RAD51B: variants seen among roughly 807,000 people sequenced by gnomAD.
RAD51B encodes the protein RAD51 paralog B, also known as DNA repair protein RAD51 homolog 2.
RAD51B carries 38 observed loss-of-function variants against 42.2 expected under a neutral mutation model. The observed-to-expected ratio is 0.90, with a 90% confidence interval of 0.70 to 1.18. The LOEUF (loss-of-function observed/expected upper bound fraction) is 1.18. Among genes scored for constraint, RAD51B ranks in the 50% most tolerant of loss-of-function variants. RAD51B has a pLI of 0.00. For synonymous variants in RAD51B, 154 were observed against 145.2 expected (o/e 1.06, Z -0.43); for missense variants, 373 against 400.7 (o/e 0.93, Z 0.59).
intron 7 of RAD51B, among the ~76,000 whole-genome samples, chr14:68,194,649 C>T (rs899768033): frequency 7.9e-5 from 12 of 152,146 alleles, no homozygotes; most frequent in Non-Finnish European, 8.8e-5. Context: ...CAGGAATAAT[C>T]TGAGTAATGT....
intron 10 of RAD51B, among the ~76,000 whole-genome samples, chr14:68,635,667 A>C (rs1181689757): frequency 6.6e-6 from 1 of 152,150 alleles, no homozygotes; most frequent in South Asian, 2.1e-4. Context: ...ACTTCTTTGT[A>C]CTTAGTCTTC....
At chr14:68,457,909 A>G (rs776050029) in intron 9 of RAD51B, among the ~76,000 whole-genome samples, 4 of 149,316 alleles carry the variant, frequency 2.7e-5, no homozygotes, top group Non-Finnish European at 4.4e-5. Context: ...CACTGCGCCC[A>G]GCCCTAGGAA....
At chr14:68,132,311 C>G (rs1011328619) in intron 7 of RAD51B, among the ~76,000 whole-genome samples, 3 of 151,916 alleles carry the variant, frequency 2.0e-5, no homozygotes, top group Non-Finnish European at 4.4e-5. Flanking sequence ...GCTGTACAGA[C>G]AAAAAGTAAT....
intron 9 of RAD51B, among the ~76,000 whole-genome samples, chr14:68,456,005 C>G (rs2085677259): frequency 6.6e-6 from 1 of 152,174 alleles, no homozygotes; most frequent in South Asian, 2.1e-4. Flanking sequence ...TCAATCTGAA[C>G]TAGTTTTAAG....
intron 7 of RAD51B, among the ~76,000 whole-genome samples, chr14:67,906,510 A>G (rs902107071): frequency 7.9e-5 from 12 of 152,016 alleles, no homozygotes; most frequent in Non-Finnish European, 1.5e-4. Flanking sequence ...TTGGATTTGA[A>G]TCAATCTGGT....
At position 67,885,851 on chromosome 14, in the gene RAD51B, TA is replaced by T. The variant is rs751569445; in HGVS notation, c.453-17del. 11 of 1,579,746 alleles carry T rather than the reference TA, an allele frequency of 7.0e-6. No homozygotes were observed. The highest frequency in any genetic ancestry group is 5.8e-5 in the South Asian group (5 of 86,214). On this transcript the variant is annotated splice_polypyrimidine_tract_variant and intron_variant, in intron 5 of 10. Coordinates refer to ENST00000471583, the MANE Select transcript of RAD51B (RefSeq NM_133510.4). ...TAGAATTGACTGTTTTCGTTTGTGC[TA>T]TTTTTTTCACCCACAGACTGGTTGA...
chr14:68,180,479 CAT>C (rs1348603954), intron 7 of RAD51B, among the ~76,000 whole-genome samples: 3 of 152,126 alleles, frequency 2.0e-5, no homozygotes, highest in Non-Finnish European at 2.9e-5. Flanking sequence ...AAAGTATCAT[CAT>C]GATTATCGTC....
At chr14:67,863,030 C>T (rs1242959866) in intron 4 of RAD51B, among the ~76,000 whole-genome samples, 1 of 151,886 alleles carries the variant, frequency 6.6e-6, no homozygotes, top group East Asian at 1.9e-4. Context: ...GTTTGGAGAA[C>T]TCTCTTTACT....
At position 68,333,446 on chromosome 14, in the gene RAD51B, C is replaced by T. The variant is rs185405783; in HGVS notation, c.853+41466C>T. ...AGGAACTCAAACTGCTAATGGAAGA[C>T]GAAACTGGTAAAGCCACTTTGAAGA... On this transcript the variant is annotated intron_variant, in intron 8 of 10. Transcript: ENST00000471583. Among the ~76,000 whole-genome samples the T allele has an allele frequency of 4.6e-5, 7 of 152,298 alleles. No individual in the cohort carries two copies. In the East Asian group the frequency reaches 7.7e-4, roughly 17 times the overall value.
At chr14:68,190,646 T>A (rs1231115825) in intron 7 of RAD51B, among the ~76,000 whole-genome samples, 1 of 152,196 alleles carries the variant, frequency 6.6e-6, no homozygotes, top group Non-Finnish European at 1.5e-5. Context: ...ATATTCTATA[T>A]GCTTTATATT....
intron 10 of RAD51B, chr14:68,562,780 A>T (rs2140022247): frequency 1.0e-6 from 1 of 985,406 alleles, no homozygotes; most frequent in Non-Finnish European, 1.2e-6. Flanking sequence ...GCCATGCTAG[A>T]TACCCATCCA....
At chr14:68,339,672 G>A (rs1181850984) in intron 8 of RAD51B, 1 of 193,350 alleles carries the variant, frequency 5.2e-6, no homozygotes, top group African/African-American at 2.4e-5. Context: ...TATATCAGGG[G>A]TGATTTAACG....
intron 7 of RAD51B, among the ~76,000 whole-genome samples, chr14:68,290,967 C>T (rs755856748): frequency 3.3e-5 from 5 of 151,658 alleles, no homozygotes; most frequent in Admixed American, 1.3e-4. Flanking sequence ...CTACTATGCC[C>T]GGCTAATTTT....
chr14:68,470,617 C>A (rs2086099421), intron 10 of RAD51B: 1 of 504,434 alleles, frequency 2.0e-6, no homozygotes. Flanking sequence ...TCACAACCAG[C>A]ATTTGAAAAC....
chr14:68,615,259 CTT>C (rs1891801758), downstream of RAD51B, among the ~76,000 whole-genome samples: 1 of 152,140 alleles, frequency 6.6e-6, no homozygotes, highest in Non-Finnish European at 1.5e-5. Flanking sequence ...TCTATTTCCT[CTT>C]TAACTTTTGT....
At chr14:67,921,101 A>C (rs2044307809) in intron 7 of RAD51B, among the ~76,000 whole-genome samples, 1 of 152,238 alleles carries the variant, frequency 6.6e-6, no homozygotes, top group Non-Finnish European at 1.5e-5. Context: ...GATCATATGA[A>C]TCACTGAGAA....
At chr14:68,347,454 G>A (rs2082697569) in intron 8 of RAD51B, among the ~76,000 whole-genome samples, 1 of 152,230 alleles carries the variant, frequency 6.6e-6, no homozygotes, top group African/African-American at 2.4e-5. Flanking sequence ...GGCCAAGGCA[G>A]AAGGATCGCT....
At chr14:68,347,601 G>A (rs1435284696) in intron 8 of RAD51B, among the ~76,000 whole-genome samples, 1 of 152,232 alleles carries the variant, frequency 6.6e-6, no homozygotes, top group Non-Finnish European at 1.5e-5. Context: ...GAGCCTGGGA[G>A]GTCAAGGCTG....
intron 7 of RAD51B, among the ~76,000 whole-genome samples, chr14:68,117,072 G>A (rs2077561430): frequency 6.6e-6 from 1 of 152,170 alleles, no homozygotes; most frequent in Non-Finnish European, 1.5e-5. Flanking sequence ...CAGAAAGGAA[G>A]AGACATTAAA....
Sources: gnomAD v4.1 joint callset for allele counts (sites outside exome capture counted in the v4.1 genomes callset) on GRCh38, gnomAD v4.1.1 for gene constraint, MANE v1.5 for transcripts, NCBI Gene and HGNC (gene_info 2026-07-23, HGNC 2026-07-21) for gene names.